The following NXPH1 variants were observed in gnomAD, a reference collection of about 807,000 sequenced individuals.
The protein encoded by NXPH1 is neurexophilin 1, also known as neurexophilin-1.
A neutral mutation model predicts 23.7 loss-of-function variants in NXPH1; 5 were observed. That is an observed-to-expected ratio of 0.21 (90% CI 0.11 to 0.44). NXPH1 has a LOEUF of 0.44. Among genes scored for constraint, NXPH1 ranks in the 20% least tolerant of loss-of-function variants. The pLI, the probability that NXPH1 is intolerant of heterozygous loss-of-function variation, is 0.99. For synonymous variants in NXPH1, 144 were observed against 122.2 expected (o/e 1.18, Z -1.18); for missense variants, 324 against 321.6 (o/e 1.01, Z -0.06).
chr7:8,586,790 G>T (rs908953480), intron 2 of NXPH1, among the ~76,000 whole-genome samples: 5 of 152,028 alleles, frequency 3.3e-5, no homozygotes, highest in Non-Finnish European at 5.9e-5. Flanking sequence ...TTGGTTTTCT[G>T]TGTTGTTTTA....
At chr7:8,544,526 G>C (rs867761328) in intron 2 of NXPH1, among the ~76,000 whole-genome samples, 1 of 151,610 alleles carries the variant, frequency 6.6e-6, no homozygotes, top group Non-Finnish European at 1.5e-5. Flanking sequence ...ATCCCTACCC[G>C]AAGACATCAT....
At chr7:8,519,973 A>C (rs1817744121) in intron 2 of NXPH1, among the ~76,000 whole-genome samples, 1 of 152,124 alleles carries the variant, frequency 6.6e-6, no homozygotes, top group Non-Finnish European at 1.5e-5. Context: ...GCTACAGATA[A>C]ATTTCTAGTG....
At chr7:8,583,446 T>C (rs1413058867) in intron 2 of NXPH1, among the ~76,000 whole-genome samples, 1 of 152,228 alleles carries the variant, frequency 6.6e-6, no homozygotes, top group Non-Finnish European at 1.5e-5. Context: ...CATAAGATTA[T>C]GTGAATTTTA....
intron 2 of NXPH1, among the ~76,000 whole-genome samples, chr7:8,690,840 C>T (rs1821210788): frequency 6.6e-6 from 1 of 152,282 alleles, no homozygotes; most frequent in East Asian, 1.9e-4. Context: ...CTGCTGCTTC[C>T]CTTTCCTGGC....
chr7:8,627,280 G>T (rs1820013094), intron 2 of NXPH1, among the ~76,000 whole-genome samples: 1 of 152,130 alleles, frequency 6.6e-6, no homozygotes, highest in South Asian at 2.1e-4. Context: ...TTCGGTAAAT[G>T]AGGCAGAATA....
rs1491312208 is a variant in NXPH1 at position 8,717,895 on chromosome 7, T to TATATATAC, written c.55-33106_55-33105insCATATATA. On this transcript the variant is annotated intron_variant, in intron 2 of 2. Coordinates refer to ENST00000405863, the MANE Select transcript of NXPH1 (RefSeq NM_152745.3). ...GTGGGTGTATTCTTCTCTCTGTGTG[T>TATATATAC]ATATATATATATATATACACAACAT... Among the ~76,000 whole-genome samples, 57 of 17,806 alleles carry TATATATAC rather than the reference T, an allele frequency of 3.2e-3. No homozygotes were observed. The African/African-American group carries it at 0.062, about 19-fold the overall frequency. The allele number at this position is 17,806 out of a possible 152,430, so 11.7% of individuals were successfully genotyped here. A position where few individuals can be genotyped will look rare whatever the true frequency, so the allele number is the denominator to read the frequency against.
intron 2 of NXPH1, among the ~76,000 whole-genome samples, chr7:8,565,870 G>T (rs1346369519): frequency 6.6e-6 from 1 of 151,718 alleles, no homozygotes; most frequent in Non-Finnish European, 1.5e-5. Context: ...CAATAACAAA[G>T]TTGTTAAAGT....
chr7:8,526,299 G>T (rs1308731022), intron 2 of NXPH1, among the ~76,000 whole-genome samples: 2 of 152,178 alleles, frequency 1.3e-5, no homozygotes, highest in East Asian at 1.9e-4. Flanking sequence ...TTTAACTAAT[G>T]CTTGTACTTC....
At chr7:8,613,305 T>C (rs1819659152) in intron 2 of NXPH1, among the ~76,000 whole-genome samples, 1 of 152,022 alleles carries the variant, frequency 6.6e-6, no homozygotes, top group Non-Finnish European at 1.5e-5. Context: ...CTTTCAAATA[T>C]AGTCTATTGT....
intron 2 of NXPH1, among the ~76,000 whole-genome samples, chr7:8,475,798 A>G (rs1411949219): frequency 1.3e-5 from 2 of 152,198 alleles, no homozygotes; most frequent in Non-Finnish European, 1.5e-5. Flanking sequence ...ATATATAATT[A>G]TTGATTAGGA....
chr7:8,744,265 T>C (rs961867672), intron 2 of NXPH1, among the ~76,000 whole-genome samples: 1 of 152,220 alleles, frequency 6.6e-6, no homozygotes, highest in South Asian at 2.1e-4. Context: ...AATGGTATCA[T>C]TGAACTAGAG....
At chr7:8,705,184 G>T (rs67053545) in intron 2 of NXPH1, among the ~76,000 whole-genome samples, 47,622 of 151,932 alleles carry the variant, frequency 0.31, 7,734 homozygotes, top group East Asian at 0.44. Flanking sequence ...GTTTATGCAA[G>T]TGCTGAGTCT....
intron 2 of NXPH1, among the ~76,000 whole-genome samples, chr7:8,648,836 G>A (rs1820437820): frequency 6.6e-6 from 1 of 151,778 alleles, no homozygotes; most frequent in African/African-American, 2.4e-5. Context: ...ACTATATGGG[G>A]AATTTATCAA....
intron 2 of NXPH1, among the ~76,000 whole-genome samples, chr7:8,557,964 T>G (rs1190462160): frequency 6.6e-6 from 1 of 151,686 alleles, no homozygotes; most frequent in Admixed American, 6.6e-5. Flanking sequence ...ATCTCTTCTA[T>G]GTAGACCATT....
At position 8,433,758 on chromosome 7, in the gene NXPH1, G is replaced by T. The variant is rs1335521668; in HGVS notation, c.-1108G>T. ...TCCCGCGCCCTTCCCCGCCCTACGC[G>T]ACTCCCGGCTGCTCTTCCCGCCACT... On this transcript the variant is annotated 5_prime_UTR_variant, in exon 1 of 3. Coordinates refer to ENST00000405863, the MANE Select transcript of NXPH1 (RefSeq NM_152745.3). This position sits in a 1 kb window ranked among gnomAD's most constrained non-coding sequence, Gnocchi z 6.8. 1.3e-5 allele frequency among the ~76,000 whole-genome samples: 2 copies of T among 151,752 alleles called. No homozygotes were observed. Among genetic ancestry groups the T allele is most frequent in the Non-Finnish European group, 2.9e-5 (2 of 67,860 alleles).
At chr7:8,456,769 G>A (rs1283891995) in intron 2 of NXPH1, among the ~76,000 whole-genome samples, 8 of 152,096 alleles carry the variant, frequency 5.3e-5, no homozygotes, top group African/African-American at 9.7e-5. Flanking sequence ...TTGACTTTAT[G>A]AGCCTTACAG....
chr7:8,611,603 C>A (rs1231567035), intron 2 of NXPH1, among the ~76,000 whole-genome samples: 1 of 152,078 alleles, frequency 6.6e-6, no homozygotes, highest in Non-Finnish European at 1.5e-5. Flanking sequence ...AAGGAAGGCA[C>A]TGAAATAGGG....
intron 2 of NXPH1, among the ~76,000 whole-genome samples, chr7:8,584,687 G>T (rs575573930): frequency 6.6e-6 from 1 of 152,342 alleles, no homozygotes; most frequent in East Asian, 1.9e-4. Context: ...CTTAACCACT[G>T]ATTCCAAGTG....
chr7:8,653,158 T>G (rs1475523097), intron 2 of NXPH1, among the ~76,000 whole-genome samples: 1 of 152,172 alleles, frequency 6.6e-6, no homozygotes, highest in East Asian at 1.9e-4. Context: ...AAATGACTGC[T>G]CTTGCAAAAC....
Sources: gnomAD v4.1 joint callset for allele counts (sites outside exome capture counted in the v4.1 genomes callset) on GRCh38, gnomAD v4.1.1 for gene constraint, Gnocchi (gnomAD v3.1) non-coding constraint, MANE v1.5 for transcripts, NCBI Gene and HGNC (gene_info 2026-07-23, HGNC 2026-07-21) for gene names.